The following STK32B variants were observed in gnomAD, a reference collection of about 807,000 sequenced individuals.
STK32B encodes the protein serine/threonine-protein kinase 32B.
STK32B carries 43 observed loss-of-function variants against 52.6 expected under a neutral mutation model. The ratio of observed to expected loss-of-function variants is 0.82; its 90% CI spans 0.64 to 1.05. The LOEUF (loss-of-function observed/expected upper bound fraction) is 1.05. STK32B is among the 50% of genes least tolerant of loss of function. The pLI is 0.00. For missense variants in STK32B, 621 were observed against 534.6 expected (o/e 1.16, Z -1.59); for synonymous variants, 238 against 204.3 (o/e 1.17, Z -1.41).
chr4:5,499,066 C>G lies in STK32B; in HGVS notation c.1228C>G (p.Arg410Gly), dbSNP rs769500569. Residue 410 changes from arginine (R) to glycine (G), a missense_variant, in exon 12 of 12, where the codon CGT (arginine) becomes GGT (glycine). Transcript: ENST00000282908. ...CAACCTCCTCACCCACACCTGCACC[C>G]GTGGCTGCAGCAGCTGAGCCCACAC... ...NNNLLTHTCT[R>G]GCSS The G allele has an allele frequency of 1.2e-6, 2 of 1,611,336 alleles. No homozygotes were observed. Among genetic ancestry groups the G allele is most frequent in the South Asian group, 1.1e-5 (1 of 90,610 alleles).
intron 3 of STK32B, among the ~76,000 whole-genome samples, chr4:5,173,691 T>C (rs1243337523): frequency 6.6e-6 from 1 of 152,210 alleles, no homozygotes; most frequent in Admixed American, 6.5e-5. Context: ...GTTTCTGTTC[T>C]TTTACATTTG....
chr4:5,172,221 G>A (rs1254772944), intron 3 of STK32B, among the ~76,000 whole-genome samples: 1 of 152,064 alleles, frequency 6.6e-6, no homozygotes, highest in Non-Finnish European at 1.5e-5. Context: ...GAGACAATGG[G>A]GTTTTCTAGA....
At chr4:5,384,329 G>T (rs191807269) in intron 4 of STK32B, among the ~76,000 whole-genome samples, 270 of 152,334 alleles carry the variant, frequency 1.8e-3, no homozygotes, top group Non-Finnish European at 2.5e-3. Context: ...GCAGGTAGAA[G>T]CAGCAGGGTT....
At chr4:5,077,953 G>C (rs1255340424) in intron 1 of STK32B, among the ~76,000 whole-genome samples, 1 of 152,088 alleles carries the variant, frequency 6.6e-6, no homozygotes, top group African/African-American at 2.4e-5. Context: ...AAGTGGCCCA[G>C]GGTGCAATAA....
intron 3 of STK32B, among the ~76,000 whole-genome samples, chr4:5,237,817 G>A (rs574896612): frequency 5.3e-5 from 8 of 152,280 alleles, no homozygotes; most frequent in African/African-American, 1.4e-4. Context: ...GTGTGAGAAC[G>A]CTGGAGATTG....
chr4:5,402,953 C>T (rs777584562), intron 5 of STK32B, among the ~76,000 whole-genome samples: 7 of 152,140 alleles, frequency 4.6e-5, no homozygotes, highest in African/African-American at 1.2e-4. Context: ...TTCTTGTGGC[C>T]GTGGGATGGG....
chr4:5,460,299 T>G lies in STK32B; in HGVS notation c.909+71T>G. The G allele has an allele frequency of 3.9e-6, 6 of 1,541,056 alleles. No homozygotes were observed. Among genetic ancestry groups the G allele is most frequent in the Non-Finnish European group, 5.2e-6 (6 of 1,144,370 alleles). On this transcript the variant is annotated intron_variant, in intron 9 of 11. Coordinates refer to ENST00000282908, the MANE Select transcript of STK32B (RefSeq NM_018401.3). The surrounding 1 kb of genome is among the most constrained non-coding windows in gnomAD (Gnocchi z 4.8). Reference sequence around the variant, plus strand: ...CCCCGCCTTGGTGCAAAGCAAGACTTTGGCAGCTGGCTAGTGAGCCCTCTG... The same window carrying G: ...CCCCGCCTTGGTGCAAAGCAAGACTGTGGCAGCTGGCTAGTGAGCCCTCTG...
intron 3 of STK32B, among the ~76,000 whole-genome samples, chr4:5,271,317 C>G (rs1193422807): frequency 6.6e-6 from 1 of 152,034 alleles, no homozygotes; most frequent in African/African-American, 2.4e-5. Flanking sequence ...AAAAATTAAC[C>G]TGTACACTGA....
At chr4:5,393,438 CTG>C (rs1736703100) in intron 4 of STK32B, among the ~76,000 whole-genome samples, 1 of 152,160 alleles carries the variant, frequency 6.6e-6, no homozygotes, top group African/African-American at 2.4e-5. Context: ...ATACTGGAGA[CTG>C]TTGTTTATAA....
At chr4:5,414,095 G>A (rs1218351038) in intron 5 of STK32B, among the ~76,000 whole-genome samples, 5 of 152,220 alleles carry the variant, frequency 3.3e-5, no homozygotes, top group Non-Finnish European at 4.4e-5. Flanking sequence ...CCATAATAGG[G>A]AATTGCTGAA....
At chr4:5,042,046 C>T in the STK32B span, among the ~76,000 whole-genome samples, 53 of 152,270 alleles carry the variant, frequency 3.5e-4, 2 homozygotes, top group South Asian at 9.5e-3. Flanking sequence ...TTAAATGTTA[C>T]GGCTTTAGGG....
intron 4 of STK32B, among the ~76,000 whole-genome samples, chr4:5,376,147 A>T (rs1240697327): frequency 6.6e-6 from 1 of 152,104 alleles, no homozygotes; most frequent in Non-Finnish European, 1.5e-5. Context: ...CTTTGCTGGC[A>T]TCCCCTCTGA....
rs753566284 is a variant in STK32B at position 5,456,943 on chromosome 4, C to T, written c.783+20C>T. 2 of 1,486,382 alleles carry T rather than the reference C, an allele frequency of 1.3e-6. No homozygotes were observed. The highest frequency in any genetic ancestry group is 1.3e-5 in the South Asian group (1 of 74,498). 92.1% of individuals were successfully genotyped at this position (1,486,382 alleles called of 1,614,324 possible). The stretch of plus-strand genomic sequence containing the variant: ...AGGAAGGTAAGGGGGCAGCTTCCAG[C>T]CTGCCCCGCCAGGGAGCTACGGTGA... On this transcript the variant is annotated intron_variant, in intron 8 of 11. Coordinates refer to ENST00000282908, the MANE Select transcript of STK32B (RefSeq NM_018401.3).
In STK32B at chr4:5,378,851, G is replaced by A. The variant is rs1398530673; in HGVS notation, c.435-19356G>A. Among the ~76,000 whole-genome samples the A allele has an allele frequency of 6.6e-6, 1 of 152,170 alleles. No individual in the cohort carries two copies. The highest frequency in any genetic ancestry group is 2.1e-4 in the South Asian group (1 of 4,824). On this transcript the variant is annotated intron_variant, in intron 4 of 11. Transcript: ENST00000282908. The surrounding 1 kb of genome is among the most constrained non-coding windows in gnomAD (Gnocchi z 4.4). The stretch of plus-strand genomic sequence containing the variant: ...CGGGCTTCACTGCTGACTGGGGCTT[G>A]TGATCCTGGCACGCTGCTGCCATCC...
chr4:5,130,904 A>T (rs1458298592), intron 1 of STK32B, among the ~76,000 whole-genome samples: 1 of 152,090 alleles, frequency 6.6e-6, no homozygotes, highest in Non-Finnish European at 1.5e-5. Context: ...CCCCTGGGAA[A>T]TTTTTGTTAT....
Position 5,432,902 on chromosome 4 carries a change from C to T in STK32B, c.563-13771C>T, listed in dbSNP as rs188367636. On this transcript the variant is annotated intron_variant, in intron 6 of 11. Coordinates refer to ENST00000282908, the MANE Select transcript of STK32B (RefSeq NM_018401.3). ...AGATTTTGTAGCAGACATTGTTATT[C>T]CTTCTTACAGATGAGTAAACTGAGG... Among the ~76,000 whole-genome samples the T allele has an allele frequency of 5.3e-5, 8 of 152,220 alleles. No homozygotes were observed. The East Asian group carries it at 1.5e-3, about 29-fold the overall frequency.
intron 4 of STK32B, among the ~76,000 whole-genome samples, chr4:5,384,585 T>C (rs1736129216): frequency 6.6e-6 from 1 of 151,888 alleles, no homozygotes; most frequent in Admixed American, 6.6e-5. Flanking sequence ...TTCAGCTGGG[T>C]GGGCGCAGTG....
intron 2 of STK32B, among the ~76,000 whole-genome samples, chr4:5,143,124 T>C (rs958869): frequency 0.032 from 4,825 of 150,588 alleles, 281 homozygotes; most frequent in African/African-American, 0.11. Context: ...TCTGTCTGTC[T>C]GTCTGTCTAT....
chr4:5,390,467 C>A (rs1436056973), intron 4 of STK32B, among the ~76,000 whole-genome samples: 2 of 152,170 alleles, frequency 1.3e-5, no homozygotes, highest in African/African-American at 4.8e-5. Flanking sequence ...AGGCCGTGTT[C>A]AGCCCTTATG....
Sources: gnomAD v4.1 joint callset for allele counts (sites outside exome capture counted in the v4.1 genomes callset) on GRCh38, gnomAD v4.1.1 for gene constraint, Gnocchi (gnomAD v3.1) non-coding constraint, MANE v1.5 for transcripts, NCBI Gene and HGNC (gene_info 2026-07-23, HGNC 2026-07-21) for gene names.